Variants in TANC1 observed in about 807,000 individuals in gnomAD.
TANC1 encodes protein TANC1.
A neutral mutation model predicts 149.7 loss-of-function variants in TANC1; 77 were observed. That is an observed-to-expected ratio of 0.51 (90% CI 0.43 to 0.62). The LOEUF is 0.62. TANC1 is among the 20% of genes least tolerant of loss of function. The probability of loss-of-function intolerance (pLI) is 0.00; values close to 1 mark genes in which losing one functional copy is unlikely to be tolerated. For missense variants in TANC1, 1,985 were observed against 2,321.8 expected (o/e 0.85, Z 2.98); for synonymous variants, 854 against 925.0 (o/e 0.92, Z 1.39).
chr2:159,186,837 G>A (rs940608206), intron 15 of TANC1, 65 bp from the exon 16 acceptor site: 4 of 1,606,250 alleles, frequency 2.5e-6, no homozygotes, highest in African/African-American at 1.3e-5. Context: ...CCCTGCAGGT[G>A]GGAAGGAGAT....
At position 159,118,052 on chromosome 2, in the gene TANC1, C is replaced by T. The variant is rs114073039; in HGVS notation, c.260-18142C>T. Among the ~76,000 whole-genome samples, 893 of 152,152 alleles carry T rather than the reference C, an allele frequency of 5.9e-3. 16 individuals carry two copies. Among genetic ancestry groups the T allele is most frequent in the African/African-American group, 0.02 (839 of 41,482 alleles). ...TTTTCTCATGATTAGACTGGAGTTA[C>T]AGGTTTTGGGGCAGAAACCACAGAA... On this transcript the variant is annotated intron_variant, in intron 4 of 26. Transcript: ENST00000263635.
chr2:158,982,505 T>C (rs1484832433), intron 1 of TANC1, among the ~76,000 whole-genome samples: 1 of 152,274 alleles, frequency 6.6e-6, no homozygotes, highest in Non-Finnish European at 1.5e-5. Flanking sequence ...CGAAGCCCTG[T>C]ATGAAAGGCT....
At position 158,998,637 on chromosome 2, in the gene TANC1, G is replaced by A. The variant is rs546865212; in HGVS notation, c.-125-2443G>A. On this transcript the variant is annotated intron_variant, in intron 1 of 26. Coordinates refer to ENST00000263635, the MANE Select transcript of TANC1 (RefSeq NM_033394.3). ...TGATTGGGTGACCCACTGGACTGAC[G>A]TGGATCTGTACTTGTGGGTGCTGGG... is the stretch of plus-strand genomic sequence containing the variant. Among the ~76,000 whole-genome samples, 10 of 152,318 alleles carry A rather than the reference G, an allele frequency of 6.6e-5. 1 individual carries two copies. Among genetic ancestry groups the A allele is most frequent in the South Asian group, 4.1e-4 (2 of 4,828 alleles).
intron 6 of TANC1, 141 bp downstream of exon 6, chr2:159,149,413 A>G: frequency 7.7e-7 from 1 of 1,303,830 alleles, no homozygotes; most frequent in Non-Finnish European, 1.1e-6. Flanking sequence ...AATTTATTTC[A>G]ACAGTTTGGT....
At chr2:158,996,385 C>T (rs1463788551) in intron 1 of TANC1, among the ~76,000 whole-genome samples, 1 of 152,204 alleles carries the variant, frequency 6.6e-6, no homozygotes, top group African/African-American at 2.4e-5. Context: ...TGGTATATGC[C>T]TTCCTTAACT....
chr2:159,028,140 T>A (rs2039497702), intron 2 of TANC1, among the ~76,000 whole-genome samples: 1 of 152,156 alleles, frequency 6.6e-6, no homozygotes, highest in African/African-American at 2.4e-5. Context: ...TTTTTCTTGA[T>A]ACGGAGTCTC....
chr2:159,213,288 T>C (rs899840467), intron 19 of TANC1, among the ~76,000 whole-genome samples: 1 of 152,066 alleles, frequency 6.6e-6, no homozygotes, highest in Non-Finnish European at 1.5e-5. Flanking sequence ...ATTAACGTTA[T>C]CATCGTGGCA....
Position 159,194,312 on chromosome 2 carries a change from T to C in TANC1, c.2798T>C (p.Leu933Ser). 6.2e-7 allele frequency: 1 copy of C among 1,614,224 alleles called. No individual in the cohort carries two copies. Among genetic ancestry groups the C allele is most frequent in the Non-Finnish European group, 8.5e-7 (1 of 1,180,038 alleles). The change falls in exon 17 of 27, where the codon TTA becomes TCA. Residue 933 changes from leucine (L) to serine (S), a missense_variant. Coordinates refer to ENST00000263635, the MANE Select transcript of TANC1 (RefSeq NM_033394.3). Reference sequence around the variant, plus strand: ...AACGTGAACTACAGGACAGAAGTGTTAAATAATGCCCCAATCCTGTGCGTC... The same window carrying C: ...AACGTGAACTACAGGACAGAAGTGTCAAATAATGCCCCAATCCTGTGCGTC... ...GANVNYRTEV[L>S]NNAPILCVQS...
At chr2:159,015,704 C>T (rs2038204798) in intron 2 of TANC1, among the ~76,000 whole-genome samples, 1 of 152,012 alleles carries the variant, frequency 6.6e-6, no homozygotes, top group African/African-American at 2.4e-5. Flanking sequence ...TGTCAGATAC[C>T]CTAAATCATC....
chr2:159,051,388 G>T (rs568142822), intron 2 of TANC1, among the ~76,000 whole-genome samples: 7 of 152,260 alleles, frequency 4.6e-5, no homozygotes, highest in Non-Finnish European at 8.8e-5. Context: ...TTGTTCTTTA[G>T]GTCTGAGATG....
chr2:159,162,951 G>C (rs745865829), intron 7 of TANC1, among the ~76,000 whole-genome samples: 2 of 152,090 alleles, frequency 1.3e-5, no homozygotes, highest in Non-Finnish European at 2.9e-5. Flanking sequence ...ATTCTTTTGT[G>C]AGTAATCTTT....
intron 2 of TANC1, among the ~76,000 whole-genome samples, chr2:159,025,195 T>TTCTTTCTTTCTTTCTC (rs2039194848): frequency 7.6e-6 from 1 of 131,748 alleles, no homozygotes; most frequent in Non-Finnish European, 1.6e-5. Context: ...TTTCTTTTCT[T>TTCTTTCTTTCTTTCTC]TCTTTCTTTC....
intron 1 of TANC1, among the ~76,000 whole-genome samples, chr2:158,990,587 C>T (rs766292559): frequency 6.6e-6 from 1 of 152,112 alleles, no homozygotes; most frequent in African/African-American, 2.4e-5. Flanking sequence ...TAAGAATTCA[C>T]TTAAGCAAGC....
chr2:159,186,267 G>A (rs1009631146), intron 15 of TANC1, among the ~76,000 whole-genome samples: 2 of 152,038 alleles, frequency 1.3e-5, no homozygotes, highest in African/African-American at 4.8e-5. Flanking sequence ...GTGTGATTTT[G>A]TACCACCTGG....
intron 4 of TANC1, among the ~76,000 whole-genome samples, chr2:159,117,403 C>CT (rs1193588704): frequency 1.6e-3 from 237 of 147,002 alleles, no homozygotes; most frequent in African/African-American, 3.1e-3. Context: ...TACTTTATTC[C>CT]TTTTTTTTTT....
rs371063922 is a variant in TANC1, at chr2:159,230,785, G to T, written c.5359G>T (p.Val1787Phe). 6.2e-7 allele frequency: 1 copy of T among 1,614,160 alleles called. No individual in the cohort carries two copies. The highest frequency in any genetic ancestry group is 1.7e-5 in the Admixed American group (1 of 60,020). ...TAATAACCAAGCCAAAACCTGTTCT[G>T]TTTCTACCCTGAGTGCAAGTGTCCA... Reference protein sequence around the residue: ...GYNNQAKTCSVSTLSASVHNG... With the variant: ...GYNNQAKTCSFSTLSASVHNG... Residue 1787 changes from valine (V) to phenylalanine (F), a missense_variant, in exon 27 of 27, where the codon GTT becomes TTT. Transcript: ENST00000263635. This position sits in a 1 kb window ranked among gnomAD's most constrained non-coding sequence, Gnocchi z 4.4.
rs1014244361 is a variant in TANC1, at chr2:159,099,290, C to T, written c.259+1456C>T. On this transcript the variant is annotated intron_variant, in intron 4 of 26. Coordinates refer to ENST00000263635, the MANE Select transcript of TANC1 (RefSeq NM_033394.3). ...TATTTGGGGAAGTTCCTGGAATGTC[C>T]GTCCTTCCTTCTTTGCCCTCCCTCA... 7.2e-5 allele frequency among the ~76,000 whole-genome samples: 11 copies of T among 152,084 alleles called. No homozygotes were observed. In the East Asian group the frequency reaches 1.5e-3, roughly 21 times the overall value.
intron 2 of TANC1, among the ~76,000 whole-genome samples, chr2:159,005,463 C>T (rs1045810496): frequency 2.6e-5 from 4 of 152,030 alleles, no homozygotes; most frequent in African/African-American, 4.8e-5. Flanking sequence ...TGGTGGCTTG[C>T]GCCTATAGTG....
chr2:159,138,929 A>G (rs573250571), intron 5 of TANC1, among the ~76,000 whole-genome samples: 44 of 152,350 alleles, frequency 2.9e-4, no homozygotes, highest in Admixed American at 2.0e-3. Context: ...TTTTAAATCA[A>G]AGGAAAACAA....
Sources: gnomAD v4.1 joint callset for allele counts (sites outside exome capture counted in the v4.1 genomes callset) on GRCh38, gnomAD v4.1.1 for gene constraint, Gnocchi (gnomAD v3.1) non-coding constraint, MANE v1.5 for transcripts, NCBI Gene and HGNC (gene_info 2026-07-23, HGNC 2026-07-21) for gene names.